The following ENTREP2 variants were observed in gnomAD, a reference collection of about 807,000 sequenced individuals.
ENTREP2 encodes the protein protein ENTREP2.
the ENTREP2 span, among the ~76,000 whole-genome samples, chr15:29,331,353 C>A: frequency 9.3e-4 from 142 of 152,046 alleles, no homozygotes; most frequent in Non-Finnish European, 1.6e-3. Flanking sequence ...GCTGGGGACA[C>A]CTCTCATACT....
the ENTREP2 span, among the ~76,000 whole-genome samples, chr15:29,246,875 C>CA: frequency 0.59 from 89,444 of 151,424 alleles, 26,440 homozygotes; most frequent in South Asian, 0.62. Flanking sequence ...GTGAAAATGT[C>CA]CCAGGCTACA....
the ENTREP2 span, among the ~76,000 whole-genome samples, chr15:29,146,109 A>G: frequency 1.3e-5 from 2 of 152,250 alleles, no homozygotes; most frequent in African/African-American, 4.8e-5. Flanking sequence ...ACAAAAAAGC[A>G]AAACTTGCAC....
chr15:29,590,332 G>T, the ENTREP2 span, among the ~76,000 whole-genome samples: 1 of 152,060 alleles, frequency 6.6e-6, no homozygotes, highest in Admixed American at 6.6e-5. Flanking sequence ...TCCACATCCT[G>T]GCGCATTTGT....
chr15:29,477,661 G>A, the ENTREP2 span, among the ~76,000 whole-genome samples: 1 of 152,148 alleles, frequency 6.6e-6, no homozygotes, highest in Non-Finnish European at 1.5e-5. Flanking sequence ...CTGCAGGCCT[G>A]GAGAGGGGAC....
the ENTREP2 span, among the ~76,000 whole-genome samples, chr15:29,353,541 G>C: frequency 2.0e-5 from 3 of 152,176 alleles, no homozygotes; most frequent in Non-Finnish European, 4.4e-5. Context: ...CATGTATGCA[G>C]CAGGCTAACA....
At chr15:29,514,924 C>A in the ENTREP2 span, among the ~76,000 whole-genome samples, 3 of 152,168 alleles carry the variant, frequency 2.0e-5, no homozygotes, top group African/African-American at 7.2e-5. Context: ...TCCTTCAACA[C>A]GGCAGGATAG....
the ENTREP2 span, among the ~76,000 whole-genome samples, chr15:29,398,745 A>T: frequency 6.6e-6 from 1 of 152,170 alleles, no homozygotes; most frequent in African/African-American, 2.4e-5. Context: ...AAAATAAAAC[A>T]AAATGATTCT....
the ENTREP2 span, among the ~76,000 whole-genome samples, chr15:29,466,828 G>A: frequency 7.2e-6 from 1 of 139,240 alleles, no homozygotes; most frequent in Non-Finnish European, 1.6e-5. Flanking sequence ...GCCCAGGGGA[G>A]GATGCTGCAG....
the ENTREP2 span, among the ~76,000 whole-genome samples, chr15:29,420,079 A>ACAG: frequency 3.9e-5 from 6 of 152,214 alleles, no homozygotes; most frequent in Admixed American, 1.3e-4. Context: ...TAAAGCAGCA[A>ACAG]CAGCAGCAGC....
the ENTREP2 span, among the ~76,000 whole-genome samples, chr15:29,592,784 G>A: frequency 6.6e-6 from 1 of 152,190 alleles, no homozygotes; most frequent in Non-Finnish European, 1.5e-5. Context: ...TGGGGAAGAA[G>A]TGAGTGAATT....
chr15:29,615,106 A>G, the ENTREP2 span, among the ~76,000 whole-genome samples: 2 of 151,808 alleles, frequency 1.3e-5, no homozygotes, highest in East Asian at 3.9e-4. Flanking sequence ...CCGCTTCACC[A>G]AGAGAGGTCT....
the ENTREP2 span, among the ~76,000 whole-genome samples, chr15:29,570,199 C>G: frequency 0.17 from 25,230 of 151,560 alleles, 3,055 homozygotes; most frequent in East Asian, 0.49. Flanking sequence ...CGCGCGGTCC[C>G]CGGCGCTCCC....
the ENTREP2 span, among the ~76,000 whole-genome samples, chr15:29,152,192 T>A: frequency 2.6e-5 from 4 of 152,202 alleles, no homozygotes; most frequent in African/African-American, 7.2e-5. Flanking sequence ...CAAGTGAAAC[T>A]TTTTATCTTG....
the ENTREP2 span, among the ~76,000 whole-genome samples, chr15:29,546,325 C>T: frequency 1.3e-5 from 2 of 152,166 alleles, no homozygotes. Flanking sequence ...ACTCCAAAAT[C>T]GCCAACAGAT....
the ENTREP2 span, among the ~76,000 whole-genome samples, chr15:29,643,040 C>T: frequency 6.0e-4 from 91 of 152,268 alleles, no homozygotes; most frequent in Middle Eastern, 3.4e-3. Flanking sequence ...AAGACCTAAA[C>T]GTAAGAGCTA....
At chr15:29,576,592 C>T in the ENTREP2 span, among the ~76,000 whole-genome samples, 73 of 152,132 alleles carry the variant, frequency 4.8e-4, no homozygotes, top group African/African-American at 1.5e-3. Flanking sequence ...GAGATATATG[C>T]CATGTATTCA....
the ENTREP2 span, among the ~76,000 whole-genome samples, chr15:29,429,918 G>A: frequency 1.3e-5 from 2 of 152,198 alleles, no homozygotes; most frequent in Non-Finnish European, 2.9e-5. Context: ...ATTCATCCAC[G>A]CCTGATGTAA....
At chr15:29,644,819 AAAAAAAAAG>A in the ENTREP2 span, among the ~76,000 whole-genome samples, 160 of 151,302 alleles carry the variant, frequency 1.1e-3, 1 homozygote, top group Middle Eastern at 0.01. Context: ...TCCATAAAAA[AAAAAAAAAG>A]AAAAAAAAAG....
At chr15:29,423,127 C>T in the ENTREP2 span, among the ~76,000 whole-genome samples, 1 of 152,156 alleles carries the variant, frequency 6.6e-6, no homozygotes, top group South Asian at 2.1e-4. Context: ...CTAAAATGCA[C>T]ACCACAGGAA....
Sources: allele counts gnomAD v4.1 joint callset (sites outside exome capture counted in the v4.1 genomes callset), GRCh38; gene constraint gnomAD v4.1.1; transcripts MANE v1.5; gene names NCBI Gene and HGNC (gene_info 2026-07-23, HGNC 2026-07-21).